Variants in VWA5B1 observed in about 807,000 individuals in gnomAD.
VWA5B1 encodes the protein von Willebrand factor A domain containing 5B1.
Under a neutral mutation model 118.2 loss-of-function variants are expected in VWA5B1, and 115 were observed. The observed-to-expected ratio is 0.97, with a 90% CI of 0.84 to 1.14. VWA5B1 has a LOEUF of 1.14. Among genes scored for constraint, VWA5B1 ranks in the 50% most tolerant of loss-of-function variants. The pLI, the probability that VWA5B1 is intolerant of heterozygous loss-of-function variation, is 0.00. For missense variants in VWA5B1, 1,596 were observed against 1,603.8 expected (o/e 1.00, Z 0.08); for synonymous variants, 682 against 658.4 (o/e 1.04, Z -0.55).
At chr1:20,351,038 G>T in intron 20 of VWA5B1, 112 bp downstream of exon 20, 1 of 1,081,814 alleles carries the variant, frequency 9.2e-7, no homozygotes. Context: ...CTGACATTTA[G>T]GCAGGTGTCG....
intron 8 of VWA5B1, among the ~76,000 whole-genome samples, chr1:20,323,817 C>T (rs111394161): frequency 0.025 from 3,765 of 152,270 alleles, 161 homozygotes; most frequent in African/African-American, 0.085. Flanking sequence ...TGGAGCAGGG[C>T]ACAGGGAAGA....
Position 20,357,676 on chromosome 1 carries a change from C to T in VWA5B1, c.*3413C>T, listed in dbSNP as rs2090253489. Reference sequence around the variant, plus strand: ...GCTTGGCAAGGAGCATTTGAAGAGTCTCTGTTTCATGAATCATTTTCCCAC... The same window carrying T: ...GCTTGGCAAGGAGCATTTGAAGAGTTTCTGTTTCATGAATCATTTTCCCAC... On this transcript the variant is annotated 3_prime_UTR_variant, in exon 22 of 22. Coordinates refer to ENST00000289815, the MANE Select transcript of VWA5B1 (RefSeq NM_001039500.3). Among the ~76,000 whole-genome samples, 1 of 152,178 alleles carries T rather than the reference C, an allele frequency of 6.6e-6. No homozygotes were observed. The highest frequency in any genetic ancestry group is 2.4e-5 in the African/African-American group (1 of 41,466).
rs57894456 is a variant in VWA5B1, at chr1:20,291,387, T to TCTC, written c.-27+299_-27+300insCTC. On this transcript the variant is annotated intron_variant, in intron 1 of 21. Coordinates refer to ENST00000289815, the MANE Select transcript of VWA5B1 (RefSeq NM_001039500.3). ...TCTCTCTCTCTCTCTCTCTCTCTCT[T>TCTC]TCTGTCTCCTCTATTTCTCTCCCTC... Among the ~76,000 whole-genome samples the TCTC allele has an allele frequency of 7.1e-3, 806 of 114,154 alleles. 16 individuals carry two copies. The highest frequency in any genetic ancestry group is 0.044 in the East Asian group (156 of 3,518). 74.9% of individuals were successfully genotyped at this position (114,154 alleles called of 152,430 possible). A position where few individuals can be genotyped will look rare whatever the true frequency, so the allele number is the denominator to read the frequency against.
intron 12 of VWA5B1, among the ~76,000 whole-genome samples, chr1:20,335,192 G>A (rs1244057763): frequency 1.3e-5 from 2 of 152,096 alleles, no homozygotes; most frequent in East Asian, 3.9e-4. Flanking sequence ...GCATATGCTT[G>A]TAGTCCCAAC....
intron 11 of VWA5B1, among the ~76,000 whole-genome samples, chr1:20,332,479 C>CAAAATAAAT (rs1553119449): frequency 2.3e-5 from 2 of 88,750 alleles, no homozygotes; most frequent in African/African-American, 8.5e-5. Flanking sequence ...GACTCTGTCT[C>CAAAATAAAT]AAAATAAAAT....
rs544400780 is a variant in VWA5B1, at chr1:20,295,748, G to A, written c.-27+4660G>A. ...CTAGAATGTGGCCATTGAGGGAGTG[G>A]CTGGAGGGCAGGAGATGGGTCTACC... On this transcript the variant is annotated intron_variant, in intron 1 of 21. Transcript: ENST00000289815. Among the ~76,000 whole-genome samples, 12 of 152,308 alleles carry A rather than the reference G, an allele frequency of 7.9e-5. No homozygotes were observed. The East Asian group carries it at 1.5e-3, about 20-fold the overall frequency.
At chr1:20,353,449 G>C (rs2090168797) in intron 21 of VWA5B1, among the ~76,000 whole-genome samples, 1 of 152,186 alleles carries the variant, frequency 6.6e-6, no homozygotes. Flanking sequence ...TGGTTACACA[G>C]GGAGAAAGAG....
chr1:20,313,427 G>A (rs1197428427), intron 3 of VWA5B1, among the ~76,000 whole-genome samples: 6 of 152,158 alleles, frequency 3.9e-5, no homozygotes, highest in South Asian at 2.1e-4. Context: ...GTCCTCACCC[G>A]ATGCTCAACA....
intron 8 of VWA5B1, 35 bp downstream of exon 8, chr1:20,323,567 G>T: frequency 3.7e-6 from 5 of 1,347,566 alleles, no homozygotes; most frequent in Non-Finnish European, 4.8e-6. Flanking sequence ...GAGGACCCGG[G>T]GCTCCAGGGG....
intron 14 of VWA5B1, among the ~76,000 whole-genome samples, chr1:20,341,727 C>T (rs1168085701): frequency 6.6e-6 from 1 of 152,146 alleles, no homozygotes; most frequent in East Asian, 1.9e-4. Context: ...TATCCCTTGC[C>T]TTTTGATGTC....
Position 20,347,455 on chromosome 1 carries a change from T to G in VWA5B1, c.2765-790T>G, listed in dbSNP as rs544293457. 1.9e-4 allele frequency among the ~76,000 whole-genome samples: 28 copies of G among 151,198 alleles called. No individual in the cohort carries two copies. The South Asian group carries it at 5.6e-3, about 30-fold the overall frequency. ...TCTTTCTTCTTCTTCTTTTTTTTTTTCTTTGAGAGAGTCTTGCTCTGTTGC... is the reference window on the plus strand; with the variant it reads ...TCTTTCTTCTTCTTCTTTTTTTTTTGCTTTGAGAGAGTCTTGCTCTGTTGC... On this transcript the variant is annotated intron_variant, in intron 17 of 21. Transcript: ENST00000289815.
rs201370343 is a variant in VWA5B1 at position 20,323,486 on chromosome 1, T to C, written c.1097T>C (p.Ile366Thr). 1,958 of 1,529,434 alleles carry C rather than the reference T, an allele frequency of 1.3e-3. 17 individuals are homozygous for C. In the South Asian group the frequency reaches 0.015, roughly 12 times the overall value. 94.7% of individuals were successfully genotyped at this position (1,529,434 alleles called of 1,614,324 possible). The change falls in exon 8 of 22, where the codon ATT (isoleucine) becomes ACT (threonine). Residue 366 changes from isoleucine (I) to threonine (T), a missense_variant. Transcript: ENST00000289815. ...GCCCACGGGGAGTTCATCTTCCTCATTGACAGGAGCAGCAGCATGAGCGGG... is the reference window on the plus strand; with the variant it reads ...GCCCACGGGGAGTTCATCTTCCTCACTGACAGGAGCAGCAGCATGAGCGGG... ...RKAHGEFIFLIDRSSSMSGIS... is the reference protein window; with the variant it reads ...RKAHGEFIFLTDRSSSMSGIS...
chr1:20,333,745 GA>G (rs1403160969), intron 12 of VWA5B1, among the ~76,000 whole-genome samples: 85 of 152,350 alleles, frequency 5.6e-4, no homozygotes, highest in Non-Finnish European at 1.0e-4. Context: ...AAGAACTTCT[GA>G]AAGGGAGGTG....
At chr1:20,297,127 A>C (rs2088419652) in intron 1 of VWA5B1, among the ~76,000 whole-genome samples, 1 of 152,098 alleles carries the variant, frequency 6.6e-6, no homozygotes, top group African/African-American at 2.4e-5. Context: ...ACCCACTAGA[A>C]TCTCACCTTC....
chr1:20,307,342 A>G, intron 1 of VWA5B1, among the ~76,000 whole-genome samples: 1 of 151,834 alleles, frequency 6.6e-6, no homozygotes, highest in Non-Finnish European at 1.5e-5. Flanking sequence ...AGCAGAATCT[A>G]CTCTGGTCCT....
intron 2 of VWA5B1, among the ~76,000 whole-genome samples, chr1:20,312,085 A>G (rs973459948): frequency 6.6e-6 from 1 of 152,110 alleles, no homozygotes; most frequent in Non-Finnish European, 1.5e-5. Flanking sequence ...TGCTGTTCCA[A>G]TATTAAGAGG....
intron 9 of VWA5B1, 44 bp downstream of exon 9, chr1:20,328,044 G>T: frequency 6.6e-7 from 1 of 1,518,212 alleles, no homozygotes; most frequent in South Asian, 1.2e-5. Flanking sequence ...GGTGCATGGT[G>T]GGGAGCAGAG....
In VWA5B1 at chr1:20,357,732, C is replaced by A. The variant is rs34326576; in HGVS notation, c.*3469C>A. Among the ~76,000 whole-genome samples, 22,558 of 152,252 alleles carry A rather than the reference C, an allele frequency of 0.15. 2,215 individuals carry two copies. Among genetic ancestry groups the A allele is most frequent in the East Asian group, 0.33 (1,696 of 5,180 alleles). Reference sequence around the variant, plus strand: ...GGTTCTCTAGGTGGGTTTGTCTTCACTGGCCCTAGAATGGTCCTGCCATCT... The same window carrying A: ...GGTTCTCTAGGTGGGTTTGTCTTCAATGGCCCTAGAATGGTCCTGCCATCT... On this transcript the variant is annotated 3_prime_UTR_variant, in exon 22 of 22. Coordinates refer to ENST00000289815, the MANE Select transcript of VWA5B1 (RefSeq NM_001039500.3).
intron 9 of VWA5B1, among the ~76,000 whole-genome samples, chr1:20,329,036 G>C (rs999664175): frequency 6.6e-6 from 1 of 152,182 alleles, no homozygotes; most frequent in African/African-American, 2.4e-5. Context: ...GTATTAATCT[G>C]TAATGTAACT....
Sources: allele counts gnomAD v4.1 joint callset (sites outside exome capture counted in the v4.1 genomes callset), GRCh38; gene constraint gnomAD v4.1.1; transcripts MANE v1.5; gene names NCBI Gene and HGNC (gene_info 2026-07-23, HGNC 2026-07-21).